TENM4: variants seen among roughly 807,000 people sequenced by gnomAD.
The protein encoded by TENM4 is teneurin transmembrane protein 4.
In TENM4, 82 loss-of-function variants were observed where a neutral mutation model predicts 243.3. The ratio of observed to expected loss-of-function variants is 0.34; its 90% CI spans 0.28 to 0.40. The LOEUF is 0.40. Ranked by LOEUF, TENM4 falls within the 10% of genes least tolerant of loss-of-function variation. The pLI, the probability that TENM4 is intolerant of heterozygous loss-of-function variation, is 1.00. For missense variants in TENM4, 3,138 were observed against 3,673.3 expected (o/e 0.85, Z 3.77); for synonymous variants, 1,412 against 1,456.3 (o/e 0.97, Z 0.69).
At chr11:78,904,683 T>C (rs1255344037) in intron 6 of TENM4, among the ~76,000 whole-genome samples, 5 of 152,150 alleles carry the variant, frequency 3.3e-5, no homozygotes, top group African/African-American at 9.7e-5. Flanking sequence ...GATGAGAACA[T>C]TGAGATACTT....
At chr11:78,675,925 T>A (rs1858456513) in intron 30 of TENM4, among the ~76,000 whole-genome samples, 2 of 152,300 alleles carry the variant, frequency 1.3e-5, no homozygotes, top group South Asian at 4.1e-4. Context: ...TAATATAAGC[T>A]GGAAATTCAA....
chr11:79,285,680 G>T (rs1856237675), intron 2 of TENM4, among the ~76,000 whole-genome samples: 1 of 151,768 alleles, frequency 6.6e-6, no homozygotes, highest in Non-Finnish European at 1.5e-5. Flanking sequence ...TATGGGTGTT[G>T]GTGTATCAAG....
At chr11:79,297,942 T>C (rs1179064260) in intron 1 of TENM4, among the ~76,000 whole-genome samples, 1 of 152,074 alleles carries the variant, frequency 6.6e-6, no homozygotes, top group Non-Finnish European at 1.5e-5. Flanking sequence ...TCTTTTTTTT[T>C]TCCTTCTATA....
intron 12 of TENM4, among the ~76,000 whole-genome samples, chr11:78,844,312 T>C (rs953316906): frequency 6.6e-6 from 1 of 152,138 alleles, no homozygotes; most frequent in African/African-American, 2.4e-5. Context: ...AGGCTCACAG[T>C]AGTGGGGCAT....
At chr11:79,299,570 GC>G (rs11362764) in intron 1 of TENM4, among the ~76,000 whole-genome samples, 2,154 of 152,258 alleles carry the variant, frequency 0.014, 55 homozygotes, top group African/African-American at 0.049. Context: ...CCAAAAGAGC[GC>G]TTTGGTATAA....
chr11:79,409,749 C>A (rs1222855120), intron 1 of TENM4, among the ~76,000 whole-genome samples: 1 of 152,190 alleles, frequency 6.6e-6, no homozygotes, highest in African/African-American at 2.4e-5. Flanking sequence ...ACACATATTT[C>A]TCTGCTTTGG....
chr11:78,782,606 A>G (rs1856860139), intron 16 of TENM4, among the ~76,000 whole-genome samples: 1 of 152,112 alleles, frequency 6.6e-6, no homozygotes, highest in South Asian at 2.1e-4. Flanking sequence ...TCAAAAAAAC[A>G]AAAAACAAAA....
At chr11:79,212,920 C>T (rs551923733) in intron 3 of TENM4, among the ~76,000 whole-genome samples, 1 of 152,288 alleles carries the variant, frequency 6.6e-6, no homozygotes, top group East Asian at 1.9e-4. Context: ...GGAAAGGGGC[C>T]TCTGGGCTGC....
chr11:79,282,449 A>G (rs1243470031), intron 2 of TENM4, among the ~76,000 whole-genome samples: 2 of 152,228 alleles, frequency 1.3e-5, no homozygotes, highest in African/African-American at 2.4e-5. Flanking sequence ...TCTTTTAGAC[A>G]TGTTCAGGGA....
rs372904451 is a variant in TENM4, at chr11:79,302,490, A to G, written c.-320-4947T>C. Reference sequence around the variant, plus strand: ...TTTCAAATTATATATTATATCTAATATAGTATACCAAATTATATCTAATTC... The same window carrying G: ...TTTCAAATTATATATTATATCTAATGTAGTATACCAAATTATATCTAATTC... On this transcript the variant is annotated intron_variant, in intron 1 of 33. Transcript: ENST00000278550. Among the ~76,000 whole-genome samples, 71 of 152,346 alleles carry G rather than the reference A, an allele frequency of 4.7e-4. 1 individual carries two copies. The South Asian group carries it at 9.5e-3, about 20-fold the overall frequency.
intron 1 of TENM4, among the ~76,000 whole-genome samples, chr11:79,384,710 G>A (rs528062033): frequency 1.3e-5 from 2 of 152,132 alleles, no homozygotes; most frequent in South Asian, 4.2e-4. Flanking sequence ...CAAATCACTT[G>A]AGGTCAGGAG....
chr11:79,217,700 C>A (rs368681434), intron 2 of TENM4, among the ~76,000 whole-genome samples: 1 of 152,156 alleles, frequency 6.6e-6, no homozygotes, highest in East Asian at 1.9e-4. Context: ...CAGAGACTGG[C>A]TCTTGAACTA....
chr11:79,425,677 C>A (rs904651699), intron 1 of TENM4, among the ~76,000 whole-genome samples: 5 of 152,212 alleles, frequency 3.3e-5, no homozygotes, highest in African/African-American at 1.2e-4. Flanking sequence ...AGTAGGGGCA[C>A]AAATGGCCTA....
intron 1 of TENM4, among the ~76,000 whole-genome samples, chr11:79,369,134 A>T (rs1175609795): frequency 6.6e-6 from 1 of 152,094 alleles, no homozygotes; most frequent in Non-Finnish European, 1.5e-5. Context: ...CTGAGAATGA[A>T]ATCATTTTTT....
In TENM4 at chr11:78,924,099, C is replaced by G. The variant is rs181210477; in HGVS notation, c.494-20576G>C. Reference sequence around the variant, plus strand: ...CAAACTCCTGACCTCAGGTGATCCACCTGCCTTGGCCTCCCAAAGTGCTGG... The same window carrying G: ...CAAACTCCTGACCTCAGGTGATCCAGCTGCCTTGGCCTCCCAAAGTGCTGG... On this transcript the variant is annotated intron_variant, in intron 6 of 33. Coordinates refer to ENST00000278550, the MANE Select transcript of TENM4 (RefSeq NM_001098816.3). Among the ~76,000 whole-genome samples the G allele has an allele frequency of 3.1e-3, 467 of 152,308 alleles. 2 individuals carry two copies. The highest frequency in any genetic ancestry group is 0.011 in the African/African-American group (442 of 41,566).
At chr11:78,698,484 C>A (rs139708822) in intron 28 of TENM4, among the ~76,000 whole-genome samples, 2 of 152,082 alleles carry the variant, frequency 1.3e-5, no homozygotes, top group South Asian at 2.1e-4. Flanking sequence ...CACAGGCAAG[C>A]CTGGGCAATT....
intron 3 of TENM4, among the ~76,000 whole-genome samples, chr11:79,155,695 CCCTCCTTT>C (rs1308499890): frequency 7.1e-6 from 1 of 140,248 alleles, no homozygotes; most frequent in Non-Finnish European, 1.6e-5. Flanking sequence ...TCTCCCCCTC[CCCTCCTTT>C]CCTCCTTTCC....
chr11:78,932,748 C>A (rs957209801), intron 6 of TENM4, among the ~76,000 whole-genome samples: 2 of 152,148 alleles, frequency 1.3e-5, no homozygotes, highest in Admixed American at 6.5e-5. Flanking sequence ...CACCTCAGAT[C>A]ATCAGGCATT....
chr11:78,664,593 C>T (rs1858106371), intron 32 of TENM4, among the ~76,000 whole-genome samples: 1 of 152,200 alleles, frequency 6.6e-6, no homozygotes, highest in African/African-American at 2.4e-5. Context: ...TTTCCACCAA[C>T]CCATGCTTCC....
Sources: gnomAD v4.1 joint callset for allele counts (sites outside exome capture counted in the v4.1 genomes callset) on GRCh38, gnomAD v4.1.1 for gene constraint, MANE v1.5 for transcripts, NCBI Gene and HGNC (gene_info 2026-07-23, HGNC 2026-07-21) for gene names.